TMCC1: variants seen among roughly 807,000 people sequenced by gnomAD.
TMCC1 encodes the protein transmembrane and coiled-coil domain family 1, also known as transmembrane and coiled-coil domains protein 1.
In TMCC1, 15 loss-of-function variants were observed where a neutral mutation model predicts 52.4. The ratio of observed to expected loss-of-function variants is 0.29; its 90% confidence interval spans 0.19 to 0.44. The LOEUF is 0.44. Ranked by LOEUF, TMCC1 falls within the 20% of genes least tolerant of loss-of-function variation. The probability of loss-of-function intolerance (pLI) is 1.00; values close to 1 mark genes in which losing one functional copy is unlikely to be tolerated. For synonymous variants in TMCC1, 279 were observed against 301.9 expected, an observed-to-expected ratio of 0.92 and a Z score of 0.79; for missense variants, 503 against 806.0, an observed-to-expected ratio of 0.62 and a Z score of 4.55.
chr3:129,722,338 T>C (rs2049685432), intron 4 of TMCC1, among the ~76,000 whole-genome samples: 1 of 152,164 alleles, frequency 6.6e-6, no homozygotes, highest in East Asian at 1.9e-4. Context: ...ATAATCTAAC[T>C]AATGCCTGAT....
chr3:129,671,300 A>T (rs749380882), intron 4 of TMCC1, 36 bp from the exon 5 acceptor site: 1 of 1,563,564 alleles, frequency 6.4e-7, no homozygotes, highest in Non-Finnish European at 8.7e-7. Flanking sequence ...TTAGAAGCCC[A>T]AGAGGACTAC....
intron 4 of TMCC1, among the ~76,000 whole-genome samples, chr3:129,700,025 G>T (rs2047702250): frequency 6.6e-6 from 1 of 152,006 alleles, no homozygotes; most frequent in Non-Finnish European, 1.5e-5. Flanking sequence ...ATCATTGATG[G>T]AAGTTTACTT....
At chr3:129,847,875 C>T (rs1007543270) in intron 2 of TMCC1, 27 of 152,222 alleles carry the variant, frequency 1.8e-4, no homozygotes, top group African/African-American at 6.3e-4. Flanking sequence ...AGGGAGTATG[C>T]AGTGGTATCT....
chr3:129,821,229 G>A (rs1330904664), intron 4 of TMCC1, among the ~76,000 whole-genome samples: 5 of 152,280 alleles, frequency 3.3e-5, no homozygotes, highest in Non-Finnish European at 5.9e-5. Context: ...TGTAGATGTA[G>A]ATGTAGATGT....
intron 4 of TMCC1, among the ~76,000 whole-genome samples, chr3:129,683,997 G>A (rs187018970): frequency 3.9e-4 from 59 of 152,298 alleles, no homozygotes; most frequent in African/African-American, 1.3e-3. Context: ...CAGATACACT[G>A]ATAAAGTTGG....
intron 2 of TMCC1, among the ~76,000 whole-genome samples, chr3:129,866,243 C>CAT (rs1376189926): frequency 7.0e-6 from 1 of 143,542 alleles, no homozygotes; most frequent in East Asian, 2.0e-4. Context: ...TACATACATA[C>CAT]ATATATATAA....
At chr3:129,892,414 T>A (rs150633760) in intron 1 of TMCC1, among the ~76,000 whole-genome samples, 1 of 152,148 alleles carries the variant, frequency 6.6e-6, no homozygotes, top group African/African-American at 2.4e-5. Flanking sequence ...TACCACCTAC[T>A]CACAATTTGA....
intron 4 of TMCC1, among the ~76,000 whole-genome samples, chr3:129,739,326 C>T (rs912812378): frequency 1.3e-5 from 2 of 152,086 alleles, no homozygotes; most frequent in African/African-American, 4.8e-5. Context: ...CACCAACACA[C>T]CTGGCTAATT....
intron 4 of TMCC1, among the ~76,000 whole-genome samples, chr3:129,793,788 C>G (rs1053027561): frequency 6.6e-6 from 1 of 152,210 alleles, no homozygotes; most frequent in Non-Finnish European, 1.5e-5. Flanking sequence ...GTAAAAACTG[C>G]TTTGTGAGCC....
chr3:129,721,111 T>C (rs2049546934), intron 4 of TMCC1, among the ~76,000 whole-genome samples: 1 of 152,144 alleles, frequency 6.6e-6, no homozygotes, highest in South Asian at 2.1e-4. Context: ...GCTCTAATCA[T>C]ACCAACTAAC....
intron 4 of TMCC1, among the ~76,000 whole-genome samples, chr3:129,728,638 T>C (rs2050296267): frequency 1.3e-5 from 2 of 152,146 alleles, no homozygotes; most frequent in Admixed American, 6.5e-5. Flanking sequence ...TTTTTACGTA[T>C]GTGTACAGTT....
intron 4 of TMCC1, chr3:129,688,697 CG>C: frequency 2.0e-6 from 2 of 985,404 alleles, no homozygotes; most frequent in Non-Finnish European, 2.4e-6. Context: ...CGTGTGTGTG[CG>C]CGCGCACGCA....
intron 5 of TMCC1, among the ~76,000 whole-genome samples, chr3:129,663,660 C>G (rs1375518936): frequency 6.6e-6 from 1 of 152,130 alleles, no homozygotes; most frequent in East Asian, 1.9e-4. Flanking sequence ...AATGAATTAT[C>G]TTAATGACAA....
chr3:129,734,664 CAGAG>C (rs2107621324), intron 4 of TMCC1, among the ~76,000 whole-genome samples: 1 of 152,196 alleles, frequency 6.6e-6, no homozygotes, highest in Admixed American at 6.5e-5. Flanking sequence ...GCATGGGTGA[CAGAG>C]GGAGATTCTG....
At chr3:129,878,473 C>T (rs955505900) in intron 2 of TMCC1, among the ~76,000 whole-genome samples, 2 of 152,196 alleles carry the variant, frequency 1.3e-5, no homozygotes, top group Non-Finnish European at 2.9e-5. Flanking sequence ...GCTGACTCTA[C>T]TTGAAAAATA....
intron 5 of TMCC1, among the ~76,000 whole-genome samples, chr3:129,667,028 C>T (rs903583422): frequency 2.6e-5 from 4 of 151,390 alleles, no homozygotes; most frequent in Admixed American, 6.6e-5. Flanking sequence ...CAGCCTCCCC[C>T]GTAACTGGGA....
chr3:129,807,576 C>G (rs183531411), intron 4 of TMCC1, among the ~76,000 whole-genome samples: 1 of 152,014 alleles, frequency 6.6e-6, no homozygotes. Flanking sequence ...TTCAGGACAA[C>G]AGAGACAAAG....
intron 4 of TMCC1, among the ~76,000 whole-genome samples, chr3:129,760,613 G>A (rs983451729): frequency 6.6e-6 from 1 of 151,944 alleles, no homozygotes; most frequent in African/African-American, 2.4e-5. Context: ...AAGTAGCTGG[G>A]ACTACAGGCG....
chr3:129,767,404 GCT>G (rs2054217930), intron 4 of TMCC1, among the ~76,000 whole-genome samples: 1 of 151,548 alleles, frequency 6.6e-6, no homozygotes, highest in African/African-American at 2.4e-5. Context: ...AGACGGTATT[GCT>G]CTGTTGCCCA....
Sources: gnomAD v4.1 joint callset for allele counts (sites outside exome capture counted in the v4.1 genomes callset) on GRCh38, gnomAD v4.1.1 for gene constraint, MANE v1.5 for transcripts, NCBI Gene and HGNC (gene_info 2026-07-23, HGNC 2026-07-21) for gene names.